Variants in MED27 observed in about 807,000 individuals in gnomAD.
MED27 encodes the protein mediator of RNA polymerase II transcription subunit 27.
MED27 carries 30 observed loss-of-function variants against 38.2 expected under a neutral mutation model. The observed-to-expected ratio is 0.79, with a 90% CI of 0.59 to 1.07. The LOEUF (loss-of-function observed/expected upper bound fraction) is 1.07, where lower values mean the gene tolerates loss of function less well. Ranked by LOEUF, MED27 falls within the 50% of genes least tolerant of loss-of-function variation. MED27 has a pLI of 0.00. For synonymous variants in MED27, 122 were observed against 153.5 expected, an observed-to-expected ratio of 0.79 and a Z score of 1.52; for missense variants, 289 against 397.5, an observed-to-expected ratio of 0.73 and a Z score of 2.32.
At chr9:131,978,317 A>G (rs115092420) in intron 3 of MED27, among the ~76,000 whole-genome samples, 1 of 152,228 alleles carries the variant, frequency 6.6e-6, no homozygotes, top group South Asian at 2.1e-4. Flanking sequence ...CACAAAAGAC[A>G]TATCAATCAA....
At chr9:132,011,815 C>A (rs917304976) in intron 3 of MED27, among the ~76,000 whole-genome samples, 2 of 152,198 alleles carry the variant, frequency 1.3e-5, no homozygotes, top group Non-Finnish European at 2.9e-5. Context: ...TCAATTTTCA[C>A]AGGAAATAGG....
At chr9:131,924,542 G>C (rs1830449388) in intron 4 of MED27, among the ~76,000 whole-genome samples, 1 of 152,054 alleles carries the variant, frequency 6.6e-6, no homozygotes, top group South Asian at 2.1e-4. Flanking sequence ...ATTTTCTAAT[G>C]ATGTTTTTGA....
intron 2 of MED27, 96 bp downstream of exon 2, chr9:132,077,346 A>C: frequency 8.1e-7 from 1 of 1,233,304 alleles, no homozygotes; most frequent in South Asian, 1.4e-5. Context: ...CAAGAACATA[A>C]AAAGCAATAA....
At chr9:132,072,060 G>A (rs761154692) in intron 2 of MED27, among the ~76,000 whole-genome samples, 3 of 152,066 alleles carry the variant, frequency 2.0e-5, no homozygotes, top group Non-Finnish European at 2.9e-5. Context: ...AGGCACTTGC[G>A]TAACACACAC....
chr9:131,875,265 A>G (rs577633432), intron 6 of MED27, among the ~76,000 whole-genome samples: 3 of 152,264 alleles, frequency 2.0e-5, no homozygotes, highest in South Asian at 2.1e-4. Context: ...GGTGTCTTAC[A>G]GGATCTTCAG....
chr9:132,073,575 T>C (rs900734777), intron 2 of MED27: 8 of 1,388,842 alleles, frequency 5.8e-6, no homozygotes, highest in South Asian at 3.4e-5. Flanking sequence ...AGTTCCATGA[T>C]GCAAAAACAG....
chr9:131,967,933 T>C (rs908731667), intron 3 of MED27, among the ~76,000 whole-genome samples: 2 of 151,236 alleles, frequency 1.3e-5, no homozygotes, highest in Non-Finnish European at 2.9e-5. Context: ...TTCTCCTGCC[T>C]CAGCCTCCTG....
chr9:131,960,418 G>A (rs1250894926), intron 3 of MED27, among the ~76,000 whole-genome samples: 1 of 152,150 alleles, frequency 6.6e-6, no homozygotes, highest in Non-Finnish European at 1.5e-5. Flanking sequence ...GTGTGCGCTC[G>A]TGCACACAAG....
At chr9:132,069,768 C>A (rs1424867583) in intron 2 of MED27, among the ~76,000 whole-genome samples, 1 of 152,182 alleles carries the variant, frequency 6.6e-6, no homozygotes, top group African/African-American at 2.4e-5. Flanking sequence ...ATCACCCAGC[C>A]CAACCCTTCA....
chr9:132,025,051 G>C (rs1299906216), intron 2 of MED27, among the ~76,000 whole-genome samples: 2 of 151,954 alleles, frequency 1.3e-5, no homozygotes, highest in Non-Finnish European at 2.9e-5. Flanking sequence ...GTGGAAGCCT[G>C]TGTGTCAGGA....
At chr9:131,945,795 T>TA (rs56741813) in intron 3 of MED27, among the ~76,000 whole-genome samples, 346 of 119,012 alleles carry the variant, frequency 2.9e-3, no homozygotes, top group East Asian at 0.011. Flanking sequence ...TCCTGTCTCT[T>TA]AAAAAAAAAA....
chr9:132,051,879 G>A lies in MED27; in HGVS notation c.348+25563C>T, dbSNP rs773049154. Among the ~76,000 whole-genome samples the A allele has an allele frequency of 6.6e-6, 1 of 152,186 alleles. No homozygotes were observed. Among genetic ancestry groups the A allele is most frequent in the Non-Finnish European group, 1.5e-5 (1 of 68,028 alleles). ...GAATCCCGATGGACGAGACTGAGGT[G>A]CCAAAACAGGTCCCTTTCCTTGCCA... is the stretch of plus-strand genomic sequence containing the variant. On this transcript the variant is annotated intron_variant, in intron 2 of 7. Coordinates refer to ENST00000292035, the MANE Select transcript of MED27 (RefSeq NM_004269.4). The surrounding 1 kb of genome is among the most constrained non-coding windows in gnomAD (Gnocchi z 4.2).
At position 132,079,705 on chromosome 9, in the gene MED27, C is replaced by T; in HGVS notation, c.140G>A (p.Gly47Asp). The change falls in exon 1 of 8, where the codon GGC becomes GAC. Residue 47 changes from glycine (G) to aspartate (D), a missense_variant. Physicochemically the swap from Gly to Asp is moderately conservative, Grantham distance 94. Transcript: ENST00000292035. ...DGMRNKETLE[G>D]REKAFIAHFQ... Reference sequence around the variant, plus strand: ...GTGCGCAATAAAGGCCTTCTCCCGGCCCTCCAGCGTCTCCTTGTTCCGCAT... The same window carrying T: ...GTGCGCAATAAAGGCCTTCTCCCGGTCCTCCAGCGTCTCCTTGTTCCGCAT... 1 of 1,613,578 alleles carries T rather than the reference C, an allele frequency of 6.2e-7. No homozygotes were observed. Among genetic ancestry groups the T allele is most frequent in the Non-Finnish European group, 8.5e-7 (1 of 1,179,900 alleles).
intron 4 of MED27, among the ~76,000 whole-genome samples, chr9:131,903,106 T>C (rs918814760): frequency 5.9e-5 from 9 of 152,144 alleles, no homozygotes. Context: ...ATTTTCACAG[T>C]GCTGATAAAG....
chr9:132,033,272 T>C lies in MED27; in HGVS notation c.349-18805A>G, dbSNP rs373416172. On this transcript the variant is annotated intron_variant, in intron 2 of 7. Transcript: ENST00000292035. ...GAAAAGATCACATACAATATATAAA[T>C]CACGAAGCTTCCTGGGACATTGTAT... 3.4e-4 allele frequency among the ~76,000 whole-genome samples: 52 copies of C among 152,284 alleles called. 1 individual carries two copies. The South Asian group carries it at 7.9e-3, about 23-fold the overall frequency.
intron 3 of MED27, among the ~76,000 whole-genome samples, chr9:131,962,590 C>T (rs1831240124): frequency 6.6e-6 from 1 of 151,622 alleles, no homozygotes; most frequent in Admixed American, 6.6e-5. Context: ...TCCACTCTTA[C>T]TTTTCCAGCA....
At chr9:131,977,612 G>T (rs924639480) in intron 3 of MED27, among the ~76,000 whole-genome samples, 4 of 152,148 alleles carry the variant, frequency 2.6e-5, no homozygotes, top group African/African-American at 7.2e-5. Context: ...TCTGGAGGGG[G>T]TTCTGGAATG....
intron 3 of MED27, among the ~76,000 whole-genome samples, chr9:131,987,476 AG>A (rs1307406567): frequency 2.0e-5 from 3 of 152,178 alleles, no homozygotes; most frequent in African/African-American, 7.2e-5. Flanking sequence ...CTCTTTCCAA[AG>A]CTGCATAAAA....
intron 3 of MED27, among the ~76,000 whole-genome samples, chr9:131,985,971 AT>A (rs1162459575): frequency 6.6e-6 from 1 of 152,108 alleles, no homozygotes; most frequent in African/African-American, 2.4e-5. Context: ...TAAGAAAAAA[AT>A]AAATAAAATA....
Sources: allele counts gnomAD v4.1 joint callset (sites outside exome capture counted in the v4.1 genomes callset), GRCh38; gene constraint gnomAD v4.1.1; non-coding constraint Gnocchi (gnomAD v3.1); transcripts MANE v1.5; gene names NCBI Gene and HGNC (gene_info 2026-07-23, HGNC 2026-07-21).